Variants in HCN4 observed in about 807,000 individuals in gnomAD.
HCN4 encodes the protein hyperpolarization activated cyclic nucleotide gated potassium channel 4, also known as potassium/sodium hyperpolarization-activated cyclic nucleotide-gated channel 4.
A neutral mutation model predicts 76.9 loss-of-function variants in HCN4; 29 were observed. The observed-to-expected ratio is 0.38, with a 90% confidence interval of 0.28 to 0.51. The LOEUF is 0.51. Among genes scored for constraint, HCN4 ranks in the 20% least tolerant of loss-of-function variants. The probability of loss-of-function intolerance (pLI) is 0.90; values close to 1 mark genes in which losing one functional copy is unlikely to be tolerated. For missense variants in HCN4, 1,416 were observed against 1,715.2 expected, an observed-to-expected ratio of 0.83 and a Z score of 3.08; for synonymous variants, 772 against 762.5, an observed-to-expected ratio of 1.01 and a Z score of -0.21.
intron 1 of HCN4, among the ~76,000 whole-genome samples, chr15:73,348,463 G>T (rs775702764): frequency 1.3e-5 from 2 of 152,150 alleles, no homozygotes; most frequent in Non-Finnish European, 2.9e-5. Context: ...TTGTAAACAC[G>T]CTCTTGCCTT....
At chr15:73,332,873 G>A (rs1190910574) in intron 2 of HCN4, among the ~76,000 whole-genome samples, 1 of 152,154 alleles carries the variant, frequency 6.6e-6, no homozygotes, top group African/African-American at 2.4e-5. Context: ...GAACCTCTCT[G>A]ATCATGTTTT....
At chr15:73,333,491 G>GT (rs2042945241) in intron 2 of HCN4, among the ~76,000 whole-genome samples, 1 of 152,162 alleles carries the variant, frequency 6.6e-6, no homozygotes, top group African/African-American at 2.4e-5. Flanking sequence ...CCTGTCTACT[G>GT]GTCTTCCAGC....
rs1567786160 is a variant in HCN4 at position 73,343,020 on chromosome 15, T to TTAAAACCCTACAACATAACGCAGC, written c.1209+364_1209+365insGCTGCGTTATGTTGTAGGGTTTTA. Among the ~76,000 whole-genome samples, 4 of 152,076 alleles carry TTAAAACCCTACAACATAACGCAGC rather than the reference T, an allele frequency of 2.6e-5. No individual in the cohort carries two copies. The highest frequency in any genetic ancestry group is 7.2e-5 in the African/African-American group (3 of 41,382). ...TTACAAACCCTACAACATAACGCAGTGGTTAATAATGTGGGCTCTAGAGGT... is the reference window on the plus strand; with the variant it reads ...TTACAAACCCTACAACATAACGCAGTTAAAACCCTACAACATAACGCAGCGGTTAATAATGTGGGCTCTAGAGGT... On this transcript the variant is annotated intron_variant, in intron 2 of 7. Coordinates refer to ENST00000261917, the MANE Select transcript of HCN4 (RefSeq NM_005477.3). The surrounding 1 kb of genome is among the most constrained non-coding windows in gnomAD (Gnocchi z 5.7).
At chr15:73,327,402 C>G (rs965656136) in intron 4 of HCN4, among the ~76,000 whole-genome samples, 4 of 152,068 alleles carry the variant, frequency 2.6e-5, no homozygotes, top group Non-Finnish European at 4.4e-5. Flanking sequence ...TGAGCCACAG[C>G]GCCCGGCCCC....
In HCN4 at chr15:73,323,385, G is replaced by A; in HGVS notation, c.2708C>T (p.Thr903Ile). ...PTPSAGVAATTIAGFGHFHKA... is the reference protein window; with the variant it reads ...PTPSAGVAATIIAGFGHFHKA... ...GTGGAAGTGGCCAAACCCGGCTATG[G>A]TGGTGGCGGCTACGCCAGCTGATGG... Residue 903 changes from threonine (T) to isoleucine (I), a missense_variant, in exon 8 of 8, where the codon ACC becomes ATC. By Grantham distance (89) the Thr-to-Ile change is moderately conservative. This residue lies in a region of HCN4 where 633 missense variants were observed against 579.8 expected (regional missense o/e 1.09). Transcript: ENST00000261917. The A allele has an allele frequency of 1.3e-6, 2 of 1,589,556 alleles. No homozygotes were observed. The highest frequency in any genetic ancestry group is 8.6e-7 in the Non-Finnish European group (1 of 1,168,798).
Position 73,324,694 on chromosome 15 carries a change from A to G in HCN4, c.1978+261T>C, listed in dbSNP as rs485294. ...CCAGAAGAGGGCCCTCACCAGCCCC[A>G]ACCATGCTGGCCCCCTCAGCTCAGA... On this transcript the variant is annotated intron_variant, in intron 6 of 7. Coordinates refer to ENST00000261917, the MANE Select transcript of HCN4 (RefSeq NM_005477.3). Among the ~76,000 whole-genome samples, 148,838 of 152,284 alleles carry G rather than the reference A, an allele frequency of 0.98. 72,822 individuals are homozygous for G. The highest frequency in any genetic ancestry group is 1 in the Non-Finnish European group (68,016 of 68,036).
intron 1 of HCN4, among the ~76,000 whole-genome samples, chr15:73,358,442 G>A (rs968285137): frequency 4.6e-5 from 7 of 152,190 alleles, no homozygotes; most frequent in African/African-American, 1.4e-4. Flanking sequence ...AGCCTCCAAC[G>A]GGGAACTGCA....
chr15:73,337,144 G>T (rs2042971239), intron 2 of HCN4, among the ~76,000 whole-genome samples: 1 of 152,186 alleles, frequency 6.6e-6, no homozygotes, highest in Non-Finnish European at 1.5e-5. Context: ...GGAAAGGAAG[G>T]ACACTGGATC....
At chr15:73,363,542 C>T (rs1251306506) in intron 1 of HCN4, among the ~76,000 whole-genome samples, 3 of 152,212 alleles carry the variant, frequency 2.0e-5, no homozygotes, top group Admixed American at 6.5e-5. Flanking sequence ...CAACCTTGAG[C>T]TCCCAGATGG....
At position 73,325,458 on chromosome 15, in the gene HCN4, AAGGGGGCGTCAGCTCCACCCCACC is replaced by A. The variant is rs768333616; in HGVS notation, c.1591-38_1591-15del. 187 of 1,613,900 alleles carry A rather than the reference AAGGGGGCGTCAGCTCCACCCCACC, an allele frequency of 1.2e-4. No homozygotes were observed. In the African/African-American group the frequency reaches 1.8e-3, roughly 16 times the overall value. ...CACCTGCTTGTACTGAGGCCGGGAGAAGGGGGCGTCAGCTCCACCCCACCAGGGGGCGTCAGCAGCCAGCCCCAC... is the reference window on the plus strand; with the variant it reads ...CACCTGCTTGTACTGAGGCCGGGAGAAGGGGGCGTCAGCAGCCAGCCCCAC... On this transcript the variant is annotated splice_polypyrimidine_tract_variant and intron_variant, in intron 4 of 7. Coordinates refer to ENST00000261917, the MANE Select transcript of HCN4 (RefSeq NM_005477.3). The surrounding 1 kb of genome is among the most constrained non-coding windows in gnomAD (Gnocchi z 7.4).
In HCN4 at chr15:73,343,889, G is replaced by A; in HGVS notation, c.786-81C>T. ...CTAAGGGAGGAAGATCTGAGGGACA[G>A]CATCTGGGACAGAGAAGTCTTGGGA... On this transcript the variant is annotated intron_variant, in intron 1 of 7. Transcript: ENST00000261917. This position sits in a 1 kb window ranked among gnomAD's most constrained non-coding sequence, Gnocchi z 5.7. 6.9e-7 allele frequency: 1 copy of A among 1,451,310 alleles called. No individual in the cohort carries two copies. The highest frequency in any genetic ancestry group is 9.6e-7 in the Non-Finnish European group (1 of 1,037,528). The allele number at this position is 1,451,310 out of a possible 1,614,324, so 89.9% of individuals were successfully genotyped here.
Position 73,322,672 on chromosome 15 carries a change from G to C in HCN4, c.3421C>G (p.Pro1141Ala). 1 of 1,602,212 alleles carries C rather than the reference G, an allele frequency of 6.2e-7. No homozygotes were observed. The highest frequency in any genetic ancestry group is 8.5e-7 in the Non-Finnish European group (1 of 1,175,192). The change falls in exon 8 of 8, where the codon CCC (proline) becomes GCC (alanine). Residue 1141 changes from proline (P) to alanine (A), a missense_variant. Around this residue, in one of 6 missense-constraint regions of HCN4, gnomAD observed 633 missense variants for 579.8 expected, o/e 1.09. Coordinates refer to ENST00000261917, the MANE Select transcript of HCN4 (RefSeq NM_005477.3). ...SSGGLGPPGRPYGAIPGQHVT... is the reference protein window; with the variant it reads ...SSGGLGPPGRAYGAIPGQHVT... Reference sequence around the variant, plus strand: ...TGCTGGCCGGGGATGGCACCATAGGGCCTCCCAGGGGGACCGAGGCCCCCG... The same window carrying C: ...TGCTGGCCGGGGATGGCACCATAGGCCCTCCCAGGGGGACCGAGGCCCCCG...
intron 2 of HCN4, among the ~76,000 whole-genome samples, chr15:73,342,101 C>A (rs2043008397): frequency 6.6e-6 from 1 of 152,232 alleles, no homozygotes; most frequent in African/African-American, 2.4e-5. Flanking sequence ...GCCCTCCAGG[C>A]TGGCCTGCCT....
At position 73,322,945 on chromosome 15, in the gene HCN4, C is replaced by A; in HGVS notation, c.3148G>T (p.Gly1050Ter). 1 of 1,409,398 alleles carries A rather than the reference C, an allele frequency of 7.1e-7. No individual in the cohort carries two copies. Among genetic ancestry groups the A allele is most frequent in the Non-Finnish European group, 9.3e-7 (1 of 1,074,294 alleles). 87.3% of individuals were successfully genotyped at this position (1,409,398 alleles called of 1,614,324 possible). A position where few individuals can be genotyped will look rare whatever the true frequency, so the allele number is the denominator to read the frequency against. ...GATGCAGGTGGCAGGAGCAAGGATC[C>A]GTGGGAGCCAGAGGCCCGGGGCGGG... is the stretch of plus-strand genomic sequence containing the variant. ...SAPPRASGSHGSLLLPPASSP... is the reference protein window; with the variant it reads ...SAPPRASGSH The change falls in exon 8 of 8, where the codon GGA (glycine) becomes TGA (stop). Residue 1050 changes from glycine to a stop codon, truncating the protein, a stop_gained. Transcript: ENST00000261917. LOFTEE classifies it high-confidence loss of function.
At chr15:73,340,290 G>T in intron 2 of HCN4, among the ~76,000 whole-genome samples, 1 of 152,186 alleles carries the variant, frequency 6.6e-6, no homozygotes, top group East Asian at 1.9e-4. Flanking sequence ...AAAGACCACA[G>T]CCCTCAGGCC....
Position 73,363,952 on chromosome 15 carries a change from G to A in HCN4, c.785+3534C>T, listed in dbSNP as rs534641216. Among the ~76,000 whole-genome samples the A allele has an allele frequency of 3.0e-3, 450 of 152,260 alleles. 2 individuals are homozygous for A. The highest frequency in any genetic ancestry group is 0.01 in the African/African-American group (425 of 41,544). Reference sequence around the variant, plus strand: ...GGGTTGGGGAGGTGATGGGAGGTGAGTAATGGCAGTGACGGGGTGCCAGTG... The same window carrying A: ...GGGTTGGGGAGGTGATGGGAGGTGAATAATGGCAGTGACGGGGTGCCAGTG... On this transcript the variant is annotated intron_variant, in intron 1 of 7. Coordinates refer to ENST00000261917, the MANE Select transcript of HCN4 (RefSeq NM_005477.3).
Position 73,358,208 on chromosome 15 carries a change from A to AG in HCN4, c.785+9277dup, listed in dbSNP as rs1010181751. Among the ~76,000 whole-genome samples, 80 of 152,290 alleles carry AG rather than the reference A, an allele frequency of 5.3e-4. 1 individual carries two copies. The highest frequency in any genetic ancestry group is 1.9e-3 in the African/African-American group (78 of 41,578). On this transcript the variant is annotated intron_variant, in intron 1 of 7. Transcript: ENST00000261917. ...TGGGGCGGGCCGGCCCCCACACTGC[A>AG]GGAAGCCAGGCCCCAGGGGCAGTCT...
In HCN4 at chr15:73,336,534, A is replaced by G. The variant is rs74424528; in HGVS notation, c.1210-4242T>C. 7.2e-4 allele frequency among the ~76,000 whole-genome samples: 109 copies of G among 152,150 alleles called. No homozygotes were observed. In the East Asian group the frequency reaches 0.015, roughly 20 times the overall value. Reference sequence around the variant, plus strand: ...CTCGTATGTCCAGCTGTCTCGGTCTATCTCTACGTGGACACATCCAAAACC... The same window carrying G: ...CTCGTATGTCCAGCTGTCTCGGTCTGTCTCTACGTGGACACATCCAAAACC... On this transcript the variant is annotated intron_variant, in intron 2 of 7. Coordinates refer to ENST00000261917, the MANE Select transcript of HCN4 (RefSeq NM_005477.3).
Position 73,343,502 on chromosome 15 carries a change from G to A in HCN4, c.1092C>T (p.Asp364=), listed in dbSNP as rs769302251. 1 of 1,614,228 alleles carries A rather than the reference G, an allele frequency of 6.2e-7. No individual in the cohort carries two copies. The highest frequency in any genetic ancestry group is 1.3e-5 in the African/African-American group (1 of 75,052). The part of the protein sequence containing the change: ...YIFLIVETRI[D]SEVYKTARAL... ...CCCGGGCAGTCTTGTAGACCTCCGA[G>A]TCGATGCGTGTCTCCACAATGAGGA... Residue 364 remains aspartate, a synonymous_variant, in exon 2 of 8, where the codon GAC becomes GAT. Coordinates refer to ENST00000261917, the MANE Select transcript of HCN4 (RefSeq NM_005477.3). This position sits in a 1 kb window ranked among gnomAD's most constrained non-coding sequence, Gnocchi z 5.7.
Sources: allele counts gnomAD v4.1 joint callset (sites outside exome capture counted in the v4.1 genomes callset), GRCh38; gene constraint gnomAD v4.1.1; regional missense constraint gnomAD v4.1.1; non-coding constraint Gnocchi (gnomAD v3.1); transcripts MANE v1.5; gene names NCBI Gene and HGNC (gene_info 2026-07-23, HGNC 2026-07-21).